The following LMNB1 variants were observed in gnomAD, a reference collection of about 807,000 sequenced individuals.
LMNB1 encodes the protein lamin-B1.
In LMNB1, 23 loss-of-function variants were observed where a neutral mutation model predicts 67.1. That is an observed-to-expected ratio of 0.34 (90% CI 0.25 to 0.49). LMNB1 has a LOEUF of 0.49. LMNB1 is among the 20% of genes least tolerant of loss of function. LMNB1 has a pLI of 0.99. For missense variants in LMNB1, 634 were observed against 746.5 expected, an observed-to-expected ratio of 0.85 and a Z score of 1.76; for synonymous variants, 281 against 282.9, an observed-to-expected ratio of 0.99 and a Z score of 0.07.
chr5:126,795,142 T>TTTTTTTTTTTTTTTTTTA (rs1294032011), intron 1 of LMNB1, among the ~76,000 whole-genome samples: 1 of 150,732 alleles, frequency 6.6e-6, no homozygotes, highest in Non-Finnish European at 1.5e-5. Context: ...TTTTTTTTTT[T>TTTTTTTTTTTTTTTTTTA]TTTAAATAAG....
Position 126,782,341 on chromosome 5 carries a change from C to T in LMNB1, c.359+4474C>T, listed in dbSNP as rs542045489. On this transcript the variant is annotated intron_variant, in intron 1 of 10. Transcript: ENST00000261366. ...GATGCACATACTGGATATGACACCCCCAGTGGGGTTTATAGATAGAGTTAG... is the reference window on the plus strand; with the variant it reads ...GATGCACATACTGGATATGACACCCTCAGTGGGGTTTATAGATAGAGTTAG... 1.2e-4 allele frequency among the ~76,000 whole-genome samples: 19 copies of T among 152,176 alleles called. No homozygotes were observed. In the East Asian group the frequency reaches 3.7e-3, roughly 29 times the overall value.
At chr5:126,796,246 T>A (rs1449499597) in intron 1 of LMNB1, among the ~76,000 whole-genome samples, 2 of 151,992 alleles carry the variant, frequency 1.3e-5, no homozygotes, top group African/African-American at 4.8e-5. Flanking sequence ...CATTTTTTAA[T>A]CTCCTTTTTT....
Position 126,836,230 on chromosome 5 carries a change from C to G in LMNB1, c.1727C>G (p.Pro576Arg), listed in dbSNP as rs774796469. The G allele has an allele frequency of 2.7e-5, 43 of 1,609,144 alleles. No homozygotes were observed. Among genetic ancestry groups the G allele is most frequent in the Non-Finnish European group, 3.6e-5 (42 of 1,175,746 alleles). ...TTCTGTTTTCCTCATCAGGGAACCC[C>G]AAGAGCATCCAATAGAAGCTGTGCA... is the stretch of plus-strand genomic sequence containing the variant. ...EEELFHQQGT[P>R]RASNRSCAIM The change falls in exon 11 of 11, where the codon CCA becomes CGA. Residue 576 changes from proline to arginine, a missense_variant. Pro to Arg is a moderately radical substitution (Grantham distance 103, BLOSUM62 -2). Transcript: ENST00000261366.
In LMNB1 at chr5:126,780,230, C is replaced by T. The variant is rs187229128; in HGVS notation, c.359+2363C>T. 8.3e-3 allele frequency among the ~76,000 whole-genome samples: 1,270 copies of T among 152,184 alleles called. 14 individuals are homozygous for T. The highest frequency in any genetic ancestry group is 0.027 in the Middle Eastern group (8 of 294). ...CACAGATCAAATATCTGTTGCGTAC[C>T]AGTCACCGTTCTATGTTAGAGGATA... On this transcript the variant is annotated intron_variant, in intron 1 of 10. Coordinates refer to ENST00000261366, the MANE Select transcript of LMNB1 (RefSeq NM_005573.4).
At chr5:126,800,185 T>A (rs1751235555) in intron 1 of LMNB1, among the ~76,000 whole-genome samples, 1 of 152,176 alleles carries the variant, frequency 6.6e-6, no homozygotes, top group Non-Finnish European at 1.5e-5. Flanking sequence ...GCACTGAGGA[T>A]CTGAAGGTAA....
Position 126,777,863 on chromosome 5 carries a change from C to G in LMNB1, c.355C>G (p.Leu119Val). 1 of 1,417,540 alleles carries G rather than the reference C, an allele frequency of 7.1e-7. No homozygotes were observed. The highest frequency in any genetic ancestry group is 1.5e-5 in the South Asian group (1 of 66,866). 87.8% of individuals were successfully genotyped at this position (1,417,540 alleles called of 1,614,324 possible). A position where few individuals can be genotyped will look rare whatever the true frequency, so the allele number is the denominator to read the frequency against. ...KCKAEHDQLL[L>V]NYAKKESDLN... is the part of the protein sequence containing the mutation. ...CAAGGCGGAACACGACCAGCTGCTC[C>G]TCAAGTGAGTGCTAGCTGGCGGCCG... Residue 119 changes from leucine (L) to valine (V), a missense_variant, in exon 1 of 11, where the codon CTC becomes GTC. Coordinates refer to ENST00000261366, the MANE Select transcript of LMNB1 (RefSeq NM_005573.4).
rs745789854 is a variant in LMNB1 at position 126,825,971 on chromosome 5, G to C, written c.1492-17G>C. The C allele has an allele frequency of 1.2e-5, 20 of 1,613,314 alleles. No homozygotes were observed. The South Asian group carries it at 2.0e-4, about 16-fold the overall frequency. Reference sequence around the variant, plus strand: ...AACTGGGTTCTGGGTGTACTGACATGCTTTGGTTTTTTACAGATTTGGGCT... The same window carrying C: ...AACTGGGTTCTGGGTGTACTGACATCCTTTGGTTTTTTACAGATTTGGGCT... On this transcript the variant is annotated splice_polypyrimidine_tract_variant and intron_variant, in intron 8 of 10. Transcript: ENST00000261366.
intron 1 of LMNB1, among the ~76,000 whole-genome samples, chr5:126,799,427 G>GT (rs1384388890): frequency 2.6e-5 from 4 of 152,250 alleles, no homozygotes; most frequent in Admixed American, 6.5e-5. Flanking sequence ...AAGGACAGCT[G>GT]TAAGAACTGT....
chr5:126,829,412 TGGA>T (rs1752076730), intron 9 of LMNB1, among the ~76,000 whole-genome samples: 1 of 151,906 alleles, frequency 6.6e-6, no homozygotes, highest in South Asian at 2.1e-4. Flanking sequence ...CTCTTTATGG[TGGA>T]GTTTATAGAT....
intron 1 of LMNB1, among the ~76,000 whole-genome samples, chr5:126,781,411 A>G (rs972335513): frequency 5.9e-5 from 9 of 152,154 alleles, no homozygotes; most frequent in African/African-American, 2.2e-4. Context: ...TACTAGGTTA[A>G]CATTTTTCCA....
chr5:126,818,433 G>A (rs1041183306), intron 5 of LMNB1, among the ~76,000 whole-genome samples: 1 of 151,870 alleles, frequency 6.6e-6, no homozygotes, highest in Non-Finnish European at 1.5e-5. Flanking sequence ...GTAGAGACGG[G>A]GTTTCGCCAT....
chr5:126,821,157 T>C, intron 7 of LMNB1, 22 bp downstream of exon 7: 1 of 1,518,272 alleles, frequency 6.6e-7, no homozygotes, highest in Non-Finnish European at 9.1e-7. Flanking sequence ...GACCCTTTTT[T>C]TTCTAGCAAG....
chr5:126,782,917 T>C (rs1034991000), intron 1 of LMNB1, among the ~76,000 whole-genome samples: 1 of 151,708 alleles, frequency 6.6e-6, no homozygotes, highest in African/African-American at 2.4e-5. Flanking sequence ...AACAAAAACC[T>C]TTGGCTGGGC....
chr5:126,830,027 A>G (rs1752096529), intron 9 of LMNB1, among the ~76,000 whole-genome samples: 1 of 152,248 alleles, frequency 6.6e-6, no homozygotes, highest in South Asian at 2.1e-4. Context: ...ACTTTTGTAT[A>G]TGCAAATGAT....
intron 5 of LMNB1, among the ~76,000 whole-genome samples, chr5:126,813,474 A>G (rs1001277721): frequency 5.3e-5 from 8 of 152,232 alleles, no homozygotes; most frequent in Non-Finnish European, 1.2e-4. Flanking sequence ...TAGAAATTTA[A>G]CAGATAATCT....
chr5:126,782,195 A>G (rs1750650214), intron 1 of LMNB1, among the ~76,000 whole-genome samples: 1 of 152,174 alleles, frequency 6.6e-6, no homozygotes, highest in South Asian at 2.1e-4. Context: ...TCAATAACTG[A>G]TTTTGTGGAT....
At chr5:126,784,696 C>T (rs1160142471) in intron 1 of LMNB1, among the ~76,000 whole-genome samples, 1 of 148,118 alleles carries the variant, frequency 6.8e-6, no homozygotes, top group Non-Finnish European at 1.5e-5. Flanking sequence ...TGCTCTGTCG[C>T]CCAGGCTGGA....
chr5:126,813,374 G>A (rs1751626136), intron 5 of LMNB1, among the ~76,000 whole-genome samples: 1 of 152,188 alleles, frequency 6.6e-6, no homozygotes. Context: ...TTTGCCCGTT[G>A]CCCAGAGGCT....
At chr5:126,816,999 A>C (rs1373759457) in intron 5 of LMNB1, among the ~76,000 whole-genome samples, 1 of 152,220 alleles carries the variant, frequency 6.6e-6, no homozygotes, top group Non-Finnish European at 1.5e-5. Flanking sequence ...GGCAGGACTT[A>C]AGCGCCACAT....
Sources: allele counts gnomAD v4.1 joint callset (sites outside exome capture counted in the v4.1 genomes callset), GRCh38; gene constraint gnomAD v4.1.1; transcripts MANE v1.5; gene names NCBI Gene and HGNC (gene_info 2026-07-23, HGNC 2026-07-21).